Variants in RNGTT observed in about 807,000 individuals in gnomAD.
RNGTT encodes RNA guanylyltransferase and 5'-phosphatase.
A neutral mutation model predicts 79.3 loss-of-function variants in RNGTT; 33 were observed. The observed-to-expected ratio is 0.42, with a 90% CI of 0.32 to 0.56. The LOEUF (loss-of-function observed/expected upper bound fraction) is 0.56, where lower values mean the gene tolerates loss of function less well. Among genes scored for constraint, RNGTT ranks in the 20% least tolerant of loss-of-function variants. The probability of loss-of-function intolerance (pLI) is 0.17; values close to 1 mark genes in which losing one functional copy is unlikely to be tolerated. For synonymous variants in RNGTT, 222 were observed against 235.9 expected, an observed-to-expected ratio of 0.94 and a Z score of 0.54; for missense variants, 497 against 739.1, an observed-to-expected ratio of 0.67 and a Z score of 3.80.
intron 1 of RNGTT, among the ~76,000 whole-genome samples, chr6:88,949,958 A>G (rs62429046): frequency 0.013 from 2,011 of 152,340 alleles, 16 homozygotes; most frequent in Non-Finnish European, 0.019. Flanking sequence ...AGAGAAGTCA[A>G]TGCCTAGATT....
intron 1 of RNGTT, among the ~76,000 whole-genome samples, chr6:88,956,396 A>G (rs1393285970): frequency 6.6e-6 from 1 of 151,980 alleles, no homozygotes; most frequent in Non-Finnish European, 1.5e-5. Context: ...ACAAAAATAA[A>G]TTAATTAAAT....
In RNGTT at chr6:88,906,397, T is replaced by TA; in HGVS notation, c.410dup (p.Cys138MetfsTer31). 1 of 1,603,606 alleles carries TA rather than the reference T, an allele frequency of 6.2e-7. No individual in the cohort carries two copies. Among genetic ancestry groups the TA allele is most frequent in the Non-Finnish European group, 8.5e-7 (1 of 1,176,214 alleles). ...CCATTTTCTCCACCAAAAAGGCACA[T>TA]ATGAGGAAACCAGTGCGATTGAAGC... On this transcript the variant is annotated frameshift_variant, in exon 5 of 16. Coordinates refer to ENST00000369485, the MANE Select transcript of RNGTT (RefSeq NM_003800.5). LOFTEE classifies it high-confidence loss of function.
rs769746435 is a variant in RNGTT at position 88,890,570 on chromosome 6, A to G, written c.821T>C (p.Val274Ala). Reference protein sequence around the residue: ...EGSGFPGAQPVSMDKQNIKLL... With the variant: ...EGSGFPGAQPASMDKQNIKLL... ...TTTAATATTTTGCTTGTCCATGGAA[A>G]CAGGCTGTGCTCCAGGGAATCCAGA... Residue 274 changes from valine to alanine, a missense_variant, in exon 8 of 16, where the codon GTT (valine) becomes GCT (alanine). Transcript: ENST00000369485. 3.1e-6 allele frequency: 5 copies of G among 1,613,662 alleles called. No individual in the cohort carries two copies. In the South Asian group the frequency reaches 5.5e-5, roughly 18 times the overall value.
At chr6:88,652,672 G>T (rs1431011980) in intron 14 of RNGTT, among the ~76,000 whole-genome samples, 15 of 152,158 alleles carry the variant, frequency 9.9e-5, no homozygotes, top group Admixed American at 9.8e-4. Flanking sequence ...TGGAGGCGGA[G>T]AGAGAATTAT....
At chr6:88,935,177 TAAAG>T (rs1053104646) in intron 2 of RNGTT, among the ~76,000 whole-genome samples, 6 of 152,204 alleles carry the variant, frequency 3.9e-5, no homozygotes, top group African/African-American at 1.4e-4. Flanking sequence ...CACCATTTAT[TAAAG>T]AGTGTCCTGT....
intron 4 of RNGTT, among the ~76,000 whole-genome samples, chr6:88,909,200 C>T (rs533684536): frequency 6.6e-6 from 1 of 152,322 alleles, no homozygotes; most frequent in African/African-American, 2.4e-5. Flanking sequence ...AATGGCTCAA[C>T]GAACTGGGCA....
intron 14 of RNGTT, among the ~76,000 whole-genome samples, chr6:88,625,915 TTATC>T (rs147967003): frequency 0.027 from 4,082 of 152,090 alleles, 197 homozygotes; most frequent in African/African-American, 0.093. Flanking sequence ...TTCATTTACA[TTATC>T]TATCATTGTA....
chr6:88,869,919 G>A (rs9353629), intron 8 of RNGTT, among the ~76,000 whole-genome samples: 6,246 of 152,132 alleles, frequency 0.041, 190 homozygotes, highest in African/African-American at 0.077. Context: ...CTATCAGGCT[G>A]ACATAAGATG....
intron 14 of RNGTT, among the ~76,000 whole-genome samples, chr6:88,648,032 C>T (rs1308404890): frequency 1.3e-5 from 2 of 152,140 alleles, no homozygotes. Flanking sequence ...CAAATAATAG[C>T]TCAACTTGAG....
intron 12 of RNGTT, among the ~76,000 whole-genome samples, chr6:88,787,329 A>G (rs1768088166): frequency 1.3e-5 from 2 of 152,150 alleles, no homozygotes; most frequent in South Asian, 4.2e-4. Flanking sequence ...ACAAGGAGAA[A>G]GCACTAGAGA....
At chr6:88,708,521 C>T (rs1431192934) in intron 13 of RNGTT, among the ~76,000 whole-genome samples, 2 of 152,058 alleles carry the variant, frequency 1.3e-5, no homozygotes, top group African/African-American at 2.4e-5. Flanking sequence ...CAGATCTCAG[C>T]TTTGACCATG....
intron 9 of RNGTT, 76 bp downstream of exon 9, chr6:88,853,553 C>T: frequency 2.3e-6 from 2 of 870,266 alleles, no homozygotes; most frequent in Non-Finnish European, 3.4e-6. Flanking sequence ...TCTTAACCAA[C>T]AGAAATACAC....
intron 13 of RNGTT, among the ~76,000 whole-genome samples, chr6:88,762,268 C>G (rs1412250836): frequency 6.6e-6 from 1 of 152,144 alleles, no homozygotes; most frequent in African/African-American, 2.4e-5. Flanking sequence ...CTGTCTGACC[C>G]ACGGAATAAG....
At chr6:88,696,050 C>A (rs913857780) in intron 13 of RNGTT, among the ~76,000 whole-genome samples, 4 of 152,016 alleles carry the variant, frequency 2.6e-5, no homozygotes, top group African/African-American at 9.7e-5. Context: ...TTCAATTAGA[C>A]AAGAAGAAAA....
chr6:88,659,906 G>A lies in RNGTT; in HGVS notation c.1506+18447C>T, dbSNP rs149969607. Among the ~76,000 whole-genome samples, 467 of 152,264 alleles carry A rather than the reference G, an allele frequency of 3.1e-3. 3 individuals are homozygous for A. The highest frequency in any genetic ancestry group is 9.1e-3 in the African/African-American group (379 of 41,562). On this transcript the variant is annotated intron_variant, in intron 14 of 15. Transcript: ENST00000369485. ...TAATCTTAACAGCTATGAGACAAAA[G>A]CATCAGGTAACCTATAAAGGAAAAC...
chr6:88,725,210 A>G (rs1164516696), intron 13 of RNGTT, among the ~76,000 whole-genome samples: 4 of 152,178 alleles, frequency 2.6e-5, no homozygotes, highest in African/African-American at 9.7e-5. Flanking sequence ...CCCTTGTGGC[A>G]GCCTCAGGGG....
At chr6:88,816,433 A>G in intron 11 of RNGTT, among the ~76,000 whole-genome samples, 1 of 152,174 alleles carries the variant, frequency 6.6e-6, no homozygotes, top group East Asian at 1.9e-4. Context: ...GAACACGCAA[A>G]AAGAAGGGCA....
chr6:88,744,314 T>A (rs1289518932), intron 13 of RNGTT, among the ~76,000 whole-genome samples: 1 of 152,098 alleles, frequency 6.6e-6, no homozygotes, highest in African/African-American at 2.4e-5. Flanking sequence ...CAGGCTGGAG[T>A]GCAGTGGCTT....
intron 14 of RNGTT, among the ~76,000 whole-genome samples, chr6:88,648,167 C>A (rs1031963239): frequency 1.3e-5 from 2 of 152,138 alleles, no homozygotes; most frequent in African/African-American, 4.8e-5. Flanking sequence ...AAATATTTTG[C>A]TACCTGACAG....
Sources: allele counts gnomAD v4.1 joint callset (sites outside exome capture counted in the v4.1 genomes callset), GRCh38; gene constraint gnomAD v4.1.1; transcripts MANE v1.5; gene names NCBI Gene and HGNC (gene_info 2026-07-23, HGNC 2026-07-21).